CPA6: variants seen among roughly 807,000 people sequenced by gnomAD.
CPA6 encodes carboxypeptidase B.
In CPA6, 58 loss-of-function variants were observed where a neutral mutation model predicts 63.3. The ratio of observed to expected loss-of-function variants is 0.92; its 90% CI spans 0.74 to 1.14. The LOEUF (loss-of-function observed/expected upper bound fraction) is 1.14. Ranked by LOEUF, CPA6 falls within the 50% of genes most tolerant of loss-of-function variation. The pLI, the probability that CPA6 is intolerant of heterozygous loss-of-function variation, is 0.00. For missense variants in CPA6, 565 were observed against 526.6 expected (o/e 1.07, Z -0.71); for synonymous variants, 185 against 179.0 (o/e 1.03, Z -0.27).
chr8:67,511,423 A>G, intron 4 of CPA6, 118 bp downstream of exon 4: 1 of 667,908 alleles, frequency 1.5e-6, no homozygotes, highest in Non-Finnish European at 2.7e-6. Context: ...TTCACATAGT[A>G]CCTTCTCTGT....
intron 2 of CPA6, among the ~76,000 whole-genome samples, chr8:67,575,431 C>T (rs921069029): frequency 1.3e-5 from 2 of 152,236 alleles, no homozygotes; most frequent in African/African-American, 4.8e-5. Flanking sequence ...GACATGTCTA[C>T]ACTCCTATTC....
chr8:67,633,554 G>A (rs1024692242), intron 1 of CPA6, among the ~76,000 whole-genome samples: 2 of 152,060 alleles, frequency 1.3e-5, no homozygotes, highest in South Asian at 2.1e-4. Flanking sequence ...GGTGGCGGGC[G>A]CCTGTAGTCC....
chr8:67,734,345 GA>G (rs566419853), intron 1 of CPA6, among the ~76,000 whole-genome samples: 1,189 of 97,872 alleles, frequency 0.012, 9 homozygotes, highest in African/African-American at 0.026. Context: ...GGGCCCCATG[GA>G]AAAAAAAAAA....
intron 1 of CPA6, among the ~76,000 whole-genome samples, chr8:67,719,085 T>C (rs539658524): frequency 6.6e-6 from 1 of 152,314 alleles, no homozygotes; most frequent in South Asian, 2.1e-4. Flanking sequence ...GACAACAAGC[T>C]AGGCTCCAAA....
intron 1 of CPA6, among the ~76,000 whole-genome samples, chr8:67,715,383 C>T (rs1269194395): frequency 2.0e-5 from 3 of 152,202 alleles, no homozygotes; most frequent in East Asian, 1.9e-4. Flanking sequence ...TTACTGCTGC[C>T]TTCATTTAGT....
At chr8:67,455,695 A>G (rs1322344282) in intron 8 of CPA6, among the ~76,000 whole-genome samples, 2 of 140,338 alleles carry the variant, frequency 1.4e-5, no homozygotes, top group East Asian at 4.2e-4. Flanking sequence ...AAAAAAAAAG[A>G]AAATGATTGC....
intron 1 of CPA6, among the ~76,000 whole-genome samples, chr8:67,631,177 C>T (rs762293805): frequency 3.3e-5 from 5 of 152,232 alleles, no homozygotes; most frequent in Non-Finnish European, 7.3e-5. Context: ...GCCAGCTGGG[C>T]TCCTGAGTTG....
At chr8:67,606,603 C>G (rs959232278) in intron 2 of CPA6, among the ~76,000 whole-genome samples, 1 of 152,174 alleles carries the variant, frequency 6.6e-6, no homozygotes, top group Non-Finnish European at 1.5e-5. Context: ...CCTTTTGGAA[C>G]AGGAGGAATG....
At chr8:67,424,296 T>C (rs1809836004) in intron 10 of CPA6, among the ~76,000 whole-genome samples, 2 of 152,208 alleles carry the variant, frequency 1.3e-5, no homozygotes, top group South Asian at 4.1e-4. Context: ...CCTAAAACCA[T>C]TCCTCCCCCA....
chr8:67,641,027 G>A (rs1344067993), intron 1 of CPA6, among the ~76,000 whole-genome samples: 1 of 151,674 alleles, frequency 6.6e-6, no homozygotes, highest in East Asian at 1.9e-4. Context: ...GCTGCCTCAG[G>A]GACATGGGGT....
At chr8:67,561,460 G>A (rs991244506) in intron 2 of CPA6, among the ~76,000 whole-genome samples, 2 of 152,154 alleles carry the variant, frequency 1.3e-5, no homozygotes, top group Non-Finnish European at 2.9e-5. Context: ...TGCCAAAGCA[G>A]CATAACAAGA....
chr8:67,569,522 C>T, intron 2 of CPA6: 1 of 447,366 alleles, frequency 2.2e-6, no homozygotes, highest in South Asian at 1.8e-5. Context: ...GAATCAGTAC[C>T]AGAGCTTGAG....
intron 1 of CPA6, among the ~76,000 whole-genome samples, chr8:67,682,875 T>C (rs1190789109): frequency 6.6e-6 from 1 of 152,244 alleles, no homozygotes; most frequent in Non-Finnish European, 1.5e-5. Flanking sequence ...GTATTCCTTC[T>C]AGCCTTTTTG....
intron 2 of CPA6, among the ~76,000 whole-genome samples, chr8:67,522,981 G>A (rs1264738655): frequency 1.3e-5 from 2 of 152,234 alleles, no homozygotes; most frequent in African/African-American, 4.8e-5. Flanking sequence ...TCCTATAATA[G>A]TAGTAGTTAT....
intron 2 of CPA6, among the ~76,000 whole-genome samples, chr8:67,567,631 A>G (rs1188124367): frequency 6.6e-6 from 1 of 152,242 alleles, no homozygotes; most frequent in Non-Finnish European, 1.5e-5. Context: ...ACCCCAAAAC[A>G]TGGGAATAAA....
At chr8:67,604,103 C>A (rs1814565352) in intron 2 of CPA6, among the ~76,000 whole-genome samples, 1 of 152,156 alleles carries the variant, frequency 6.6e-6, no homozygotes, top group Admixed American at 6.6e-5. Context: ...AATAGAGCTA[C>A]AACTTATTAA....
chr8:67,718,019 C>A (rs1490045215), intron 1 of CPA6, among the ~76,000 whole-genome samples: 1 of 152,104 alleles, frequency 6.6e-6, no homozygotes, highest in Admixed American at 6.6e-5. Flanking sequence ...GAGTCTATAA[C>A]ACTAAAAGAC....
At chr8:67,422,928 G>C (rs980925036) in intron 10 of CPA6, among the ~76,000 whole-genome samples, 3 of 152,168 alleles carry the variant, frequency 2.0e-5, no homozygotes, top group Non-Finnish European at 4.4e-5. Context: ...TTACCAGCAC[G>C]AAGACTAAAA....
intron 8 of CPA6, among the ~76,000 whole-genome samples, chr8:67,445,548 T>A: frequency 6.6e-6 from 1 of 152,198 alleles, no homozygotes; most frequent in East Asian, 1.9e-4. Context: ...TGTTTAGAGA[T>A]GAATTAAACT....
Sources: gnomAD v4.1 joint callset for allele counts (sites outside exome capture counted in the v4.1 genomes callset) on GRCh38, gnomAD v4.1.1 for gene constraint, MANE v1.5 for transcripts, NCBI Gene and HGNC (gene_info 2026-07-23, HGNC 2026-07-21) for gene names.